TBC1D16: variants seen among roughly 807,000 people sequenced by gnomAD.
The protein encoded by TBC1D16 is CTD-2529O21.1.
TBC1D16 carries 58 observed loss-of-function variants against 74.7 expected under a neutral mutation model. The ratio of observed to expected loss-of-function variants is 0.78; its 90% CI spans 0.63 to 0.97. The LOEUF is 0.97. Ranked by LOEUF, TBC1D16 falls within the 50% of genes least tolerant of loss-of-function variation. TBC1D16 has a pLI of 0.00. For synonymous variants in TBC1D16, 493 were observed against 474.7 expected (o/e 1.04, Z -0.50); for missense variants, 1,014 against 1,079.5 (o/e 0.94, Z 0.85).
rs1346996401 is a variant in TBC1D16, at chr17:79,981,757, C to T, written c.779+28403G>A. 1.3e-5 allele frequency among the ~76,000 whole-genome samples: 2 copies of T among 152,232 alleles called. No homozygotes were observed. The highest frequency in any genetic ancestry group is 6.5e-5 in the Admixed American group (1 of 15,290). ...GGCTCTTCTGTAATCTCAGCAAGAA[C>T]GTGCTCACTGCACATAACGCTGAAC... On this transcript the variant is annotated intron_variant, in intron 3 of 11. Transcript: ENST00000310924. The surrounding 1 kb of genome is among the most constrained non-coding windows in gnomAD (Gnocchi z 6.9).
rs148977076 is a variant in TBC1D16, at chr17:80,023,483, G to A, written c.-62-9874C>T. On this transcript the variant is annotated intron_variant, in intron 1 of 11. Transcript: ENST00000310924. ...AGACCCTTCCCTGCGGAGGCCCACA[G>A]CCCCTGCGGCCACTTCTTCCCCGAA... Among the ~76,000 whole-genome samples, 263 of 150,130 alleles carry A rather than the reference G, an allele frequency of 1.8e-3. 5 individuals are homozygous for A. Among genetic ancestry groups the A allele is most frequent in the Admixed American group, 4.8e-3 (74 of 15,264 alleles).
In TBC1D16 at chr17:79,994,899, C is replaced by G. The variant is rs1245020298; in HGVS notation, c.779+15261G>C. 6.6e-6 allele frequency among the ~76,000 whole-genome samples: 1 copy of G among 152,176 alleles called. No individual in the cohort carries two copies. The highest frequency in any genetic ancestry group is 1.5e-5 in the Non-Finnish European group (1 of 68,034). On this transcript the variant is annotated intron_variant, in intron 3 of 11. Coordinates refer to ENST00000310924, the MANE Select transcript of TBC1D16 (RefSeq NM_019020.4). The surrounding 1 kb of genome is among the most constrained non-coding windows in gnomAD (Gnocchi z 4.6). ...ATGTAAAACACTTCCCATCGGCGGCCGTGTATACTGATCCCACATTGGAAT... is the reference window on the plus strand; with the variant it reads ...ATGTAAAACACTTCCCATCGGCGGCGGTGTATACTGATCCCACATTGGAAT...
intron 1 of TBC1D16, among the ~76,000 whole-genome samples, chr17:80,016,671 G>A (rs2144714469): frequency 6.6e-6 from 1 of 152,266 alleles, no homozygotes; most frequent in South Asian, 2.1e-4. Context: ...CTGGCAGGAG[G>A]CAGGGGGCAG....
At chr17:79,973,458 C>G (rs2034198848) in intron 3 of TBC1D16, among the ~76,000 whole-genome samples, 1 of 152,132 alleles carries the variant, frequency 6.6e-6, no homozygotes, top group South Asian at 2.1e-4. Flanking sequence ...GCCTGTAATC[C>G]CAGCACTTTG....
intron 3 of TBC1D16, chr17:79,953,058 T>C: frequency 2.6e-6 from 1 of 379,824 alleles, no homozygotes; most frequent in Non-Finnish European, 4.7e-6. Context: ...TCCACTTCAA[T>C]AGAGGCAGTA....
intron 3 of TBC1D16, among the ~76,000 whole-genome samples, chr17:79,958,216 ATTTT>A (rs557536242): frequency 7.3e-6 from 1 of 137,472 alleles, no homozygotes; most frequent in Non-Finnish European, 1.6e-5. Context: ...AAACTGACCA[ATTTT>A]TTTTTTTTTT....
intron 3 of TBC1D16, among the ~76,000 whole-genome samples, chr17:79,995,740 G>A (rs867633511): frequency 2.0e-5 from 3 of 151,970 alleles, no homozygotes; most frequent in Non-Finnish European, 4.4e-5. Flanking sequence ...AGCCGAGATC[G>A]CGCCCCTGCA....
Position 80,026,994 on chromosome 17 carries a change from A to G in TBC1D16, c.-63+8801T>C, listed in dbSNP as rs573630321. On this transcript the variant is annotated intron_variant, in intron 1 of 11. Coordinates refer to ENST00000310924, the MANE Select transcript of TBC1D16 (RefSeq NM_019020.4). ...CTCCTAAGACACAAAATGAGTGAAC[A>G]CTGGAAAGGGAGCTGAGACAGGCCT... Among the ~76,000 whole-genome samples, 166 of 138,326 alleles carry G rather than the reference A, an allele frequency of 1.2e-3. 3 individuals are homozygous for G. Among genetic ancestry groups the G allele is most frequent in the Admixed American group, 1.5e-3 (23 of 14,854 alleles). The allele number at this position is 138,326 out of a possible 152,430, so 90.7% of individuals were successfully genotyped here.
chr17:80,025,128 C>A (rs111880377), intron 1 of TBC1D16, among the ~76,000 whole-genome samples: 68,473 of 75,998 alleles, frequency 0.9, 31,778 homozygotes, highest in Admixed American at 0.93. Flanking sequence ...CAGACACACA[C>A]ACACCATAGG....
intron 3 of TBC1D16, among the ~76,000 whole-genome samples, chr17:79,972,080 G>A (rs550684939): frequency 3.3e-5 from 5 of 152,348 alleles, no homozygotes; most frequent in Non-Finnish European, 7.4e-5. Context: ...GCCAGAGGCT[G>A]AAGCAGCCCA....
chr17:79,960,344 T>G (rs975289347), intron 3 of TBC1D16, among the ~76,000 whole-genome samples: 1 of 152,134 alleles, frequency 6.6e-6, no homozygotes, highest in Non-Finnish European at 1.5e-5. Flanking sequence ...CCAAGAAGCC[T>G]ATGAAAAGGT....
intron 3 of TBC1D16, among the ~76,000 whole-genome samples, chr17:79,960,779 CAAAAA>C (rs746450905): frequency 0.02 from 688 of 33,946 alleles, 69 homozygotes; most frequent in African/African-American, 0.068. Context: ...AACAAAAACC[CAAAAA>C]AAAAAAAAAA....
At position 79,944,515 on chromosome 17, in the gene TBC1D16, G is replaced by A. The variant is rs534303408; in HGVS notation, c.1908+393C>T. Reference sequence around the variant, plus strand: ...CCCTTTCTCTGCACAGCAGGGTAACGGGTGAGTCGGCCCTCGTGGCAGGGC... The same window carrying A: ...CCCTTTCTCTGCACAGCAGGGTAACAGGTGAGTCGGCCCTCGTGGCAGGGC... On this transcript the variant is annotated intron_variant, in intron 10 of 11. Transcript: ENST00000310924. This position sits in a 1 kb window ranked among gnomAD's most constrained non-coding sequence, Gnocchi z 7.7. 3.1e-4 allele frequency among the ~76,000 whole-genome samples: 47 copies of A among 152,294 alleles called. No individual in the cohort carries two copies. Among genetic ancestry groups the A allele is most frequent in the African/African-American group, 9.4e-4 (39 of 41,578 alleles).
At chr17:79,970,322 TG>T (rs747465000) in intron 3 of TBC1D16, among the ~76,000 whole-genome samples, 14 of 152,060 alleles carry the variant, frequency 9.2e-5, no homozygotes, top group Non-Finnish European at 1.9e-4. Flanking sequence ...GGTTTCTTTT[TG>T]GGGGGATGAA....
At chr17:79,951,396 TG>T in intron 5 of TBC1D16, 53 bp downstream of exon 5, 7 of 1,577,782 alleles carry the variant, frequency 4.4e-6, no homozygotes, top group South Asian at 1.1e-5. Flanking sequence ...ATGGGGCCCG[TG>T]GGGGGTGGGG....
intron 9 of TBC1D16, among the ~76,000 whole-genome samples, 172 bp downstream of exon 9, chr17:79,947,473 C>T (rs573476531): frequency 1.3e-5 from 2 of 152,268 alleles, no homozygotes; most frequent in South Asian, 2.1e-4. Context: ...CCCCGGAGGC[C>T]GAGATAGGCT....
At chr17:79,946,939 G>A (rs1445789201) in intron 9 of TBC1D16, among the ~76,000 whole-genome samples, 2 of 152,236 alleles carry the variant, frequency 1.3e-5, no homozygotes, top group Non-Finnish European at 2.9e-5. Flanking sequence ...CCAGCCAGGA[G>A]GGTGAATGTC....
rs1192421829 is a variant in TBC1D16, at chr17:79,939,431, C to G, written c.*1428G>C. On this transcript the variant is annotated 3_prime_UTR_variant, in exon 12 of 12. Transcript: ENST00000310924. ...GAACACTGCTTTGAAGTGGCATGGC[C>G]CAGCAGTGCCCACCCTCCAGGGAGA... is the stretch of plus-strand genomic sequence containing the variant. The G allele has an allele frequency of 1.3e-5, 2 of 152,182 alleles. No homozygotes were observed. Among genetic ancestry groups the G allele is most frequent in the Non-Finnish European group, 2.9e-5 (2 of 68,046 alleles). The allele number at this position is 152,182 out of a possible 1,614,324, so 9.4% of individuals were successfully genotyped here.
At chr17:79,968,357 A>G (rs979082552) in intron 3 of TBC1D16, among the ~76,000 whole-genome samples, 2 of 152,268 alleles carry the variant, frequency 1.3e-5, no homozygotes, top group African/African-American at 4.8e-5. Flanking sequence ...CTGGATAGCC[A>G]CATACAAAGA....
Sources: allele counts gnomAD v4.1 joint callset (sites outside exome capture counted in the v4.1 genomes callset), GRCh38; gene constraint gnomAD v4.1.1; non-coding constraint Gnocchi (gnomAD v3.1); transcripts MANE v1.5; gene names NCBI Gene and HGNC (gene_info 2026-07-23, HGNC 2026-07-21).